The following SLC41A3 variants were observed in gnomAD, a reference collection of about 807,000 sequenced individuals.
SLC41A3 encodes SLC41A1-like 2.
Under a neutral mutation model 45.4 loss-of-function variants are expected in SLC41A3, and 44 were observed. The ratio of observed to expected loss-of-function variants is 0.97; its 90% CI spans 0.76 to 1.25. The LOEUF (loss-of-function observed/expected upper bound fraction) is 1.25. SLC41A3 is among the 50% of genes most tolerant of loss of function. The pLI is 0.00. For synonymous variants in SLC41A3, 256 were observed against 252.4 expected, an observed-to-expected ratio of 1.01 and a Z score of -0.13; for missense variants, 550 against 600.6, an observed-to-expected ratio of 0.92 and a Z score of 0.88.
chr3:126,038,309 A>G (rs966635196), intron 3 of SLC41A3, among the ~76,000 whole-genome samples: 2 of 152,228 alleles, frequency 1.3e-5, no homozygotes, highest in African/African-American at 2.4e-5. Flanking sequence ...ACCCTAGAAT[A>G]GTAGAGCCAC....
At chr3:126,077,279 C>G (rs1049417542) in intron 1 of SLC41A3, among the ~76,000 whole-genome samples, 1 of 152,024 alleles carries the variant, frequency 6.6e-6, no homozygotes, top group African/African-American at 2.4e-5. Context: ...ACTCAGGAGG[C>G]TGACGCAGGA....
intron 4 of SLC41A3, among the ~76,000 whole-genome samples, chr3:126,030,574 A>C (rs957117368): frequency 1.3e-5 from 2 of 152,172 alleles, no homozygotes; most frequent in African/African-American, 4.8e-5. Flanking sequence ...CTGAGCACAG[A>C]GCCTGGCACT....
chr3:126,053,029 G>A lies in SLC41A3; in HGVS notation c.274-1979C>T, dbSNP rs1369187444. ...TGCCAGACGTTGCTATGACTGGTCA[G>A]TGAGACCTGAGAAGTCCTGTCTGGT... On this transcript the variant is annotated intron_variant, in intron 2 of 10. Coordinates refer to ENST00000360370, the MANE Select transcript of SLC41A3 (RefSeq NM_017836.4). 2.0e-5 allele frequency among the ~76,000 whole-genome samples: 3 copies of A among 152,206 alleles called. No individual in the cohort carries two copies. In the East Asian group the frequency reaches 5.8e-4, roughly 29 times the overall value.
intron 3 of SLC41A3, 71 bp downstream of exon 3, chr3:126,050,872 G>T: frequency 6.5e-7 from 1 of 1,532,934 alleles, no homozygotes; most frequent in Non-Finnish European, 8.8e-7. Context: ...CCACAAGCCA[G>T]GGGAGACCAG....
intron 3 of SLC41A3, among the ~76,000 whole-genome samples, chr3:126,037,884 G>T (rs1333140989): frequency 6.6e-6 from 1 of 152,102 alleles, no homozygotes; most frequent in Non-Finnish European, 1.5e-5. Flanking sequence ...AGGTCCAGTG[G>T]CTTAGGAGGA....
Position 126,097,287 on chromosome 3 carries a change from T to C in SLC41A3, c.-79+4142A>G, listed in dbSNP as rs562542962. Reference sequence around the variant, plus strand: ...GCCCCCGGAAGATCATACTTCACCATGTTTTGCCTCTTAACATGCATGCCC... The same window carrying C: ...GCCCCCGGAAGATCATACTTCACCACGTTTTGCCTCTTAACATGCATGCCC... On this transcript the variant is annotated intron_variant, in intron 1 of 9. Coordinates refer to the SLC41A3 transcript ENST00000508835. Among the ~76,000 whole-genome samples, 26 of 152,308 alleles carry C rather than the reference T, an allele frequency of 1.7e-4. No individual in the cohort carries two copies. In the South Asian group the frequency reaches 4.6e-3, roughly 27 times the overall value.
chr3:126,091,519 T>C (rs1945487823), intron 1 of SLC41A3, among the ~76,000 whole-genome samples: 1 of 152,166 alleles, frequency 6.6e-6, no homozygotes, highest in South Asian at 2.1e-4. Context: ...TCTGAAGACC[T>C]GGAATCAACA....
chr3:126,053,987 C>A (rs1943504552), intron 2 of SLC41A3, among the ~76,000 whole-genome samples: 1 of 152,134 alleles, frequency 6.6e-6, no homozygotes, highest in Admixed American at 6.5e-5. Flanking sequence ...AGGCTGAAAT[C>A]ATCAGAAATA....
intron 3 of SLC41A3, among the ~76,000 whole-genome samples, chr3:126,035,358 G>A (rs1198075166): frequency 6.6e-6 from 1 of 152,166 alleles, no homozygotes; most frequent in African/African-American, 2.4e-5. Context: ...AGCTGGTGAT[G>A]AGGAGGGAAG....
intron 9 of SLC41A3, among the ~76,000 whole-genome samples, chr3:126,012,380 G>A (rs2107651895): frequency 6.6e-6 from 1 of 152,206 alleles, no homozygotes. Context: ...AGCTCTCCCT[G>A]TTTCACCACT....
intron 3 of SLC41A3, among the ~76,000 whole-genome samples, chr3:126,037,896 A>G (rs1268456209): frequency 6.6e-6 from 1 of 152,066 alleles, no homozygotes; most frequent in Non-Finnish European, 1.5e-5. Context: ...TTAGGAGGAA[A>G]GAATGGTTTT....
At chr3:126,085,312 G>C (rs1235707503), upstream of SLC41A3, 1 of 152,166 alleles carries the variant, frequency 6.6e-6, no homozygotes, top group African/African-American at 2.4e-5. Context: ...CACTGGCTGT[G>C]GTCACTCATA....
intron 2 of SLC41A3, among the ~76,000 whole-genome samples, chr3:126,059,299 A>AAGGAAAGAAAGAGAAAG: frequency 8.1e-6 from 1 of 124,126 alleles, no homozygotes; most frequent in African/African-American, 3.0e-5. Flanking sequence ...AGAAAGAAAG[A>AAGGAAAGAAAGAGAAAG]AAGAAAGAAA....
At chr3:126,028,614 C>T (rs1941556230) in intron 4 of SLC41A3, among the ~76,000 whole-genome samples, 1 of 152,268 alleles carries the variant, frequency 6.6e-6, no homozygotes, top group South Asian at 2.1e-4. Context: ...ACACAGTTCC[C>T]ACTGGGGCAC....
At chr3:126,076,570 A>AG (rs1944889137) in intron 1 of SLC41A3, among the ~76,000 whole-genome samples, 1 of 152,236 alleles carries the variant, frequency 6.6e-6, no homozygotes, top group South Asian at 2.1e-4. Flanking sequence ...ACAATAAAAA[A>AG]ATTATGAATC....
chr3:126,006,649 T>G lies in SLC41A3; in HGVS notation c.*367A>C. 6.6e-7 allele frequency: 1 copy of G among 1,510,570 alleles called. No homozygotes were observed. The allele number at this position is 1,510,570 out of a possible 1,614,324, so 93.6% of individuals were successfully genotyped here. A position where few individuals can be genotyped will look rare whatever the true frequency, so the allele number is the denominator to read the frequency against. The stretch of plus-strand genomic sequence containing the variant: ...AGCTCCTTCCTGCTCCACCCCAATC[T>G]GGGTTGCATGGGCATGGAAAAGAGC... On this transcript the variant is annotated 3_prime_UTR_variant, in exon 11 of 11. Transcript: ENST00000360370.
intron 4 of SLC41A3, among the ~76,000 whole-genome samples, chr3:126,030,422 G>A (rs1208099741): frequency 2.0e-5 from 3 of 152,030 alleles, no homozygotes; most frequent in Admixed American, 2.0e-4. Flanking sequence ...TAACAGACGT[G>A]CATAAAGATC....
At chr3:126,069,764 T>C (rs184527499) in intron 1 of SLC41A3, among the ~76,000 whole-genome samples, 13 of 152,098 alleles carry the variant, frequency 8.5e-5, no homozygotes, top group Admixed American at 8.5e-4. Flanking sequence ...AGAGTATCAA[T>C]ATAGAGATGA....
chr3:126,033,535 C>T, intron 4 of SLC41A3, 72 bp downstream of exon 4: 1 of 1,530,780 alleles, frequency 6.5e-7, no homozygotes, highest in Non-Finnish European at 8.9e-7. Flanking sequence ...GCTCGCTTAG[C>T]CTTCACCCTT....
Sources: allele counts gnomAD v4.1 joint callset (sites outside exome capture counted in the v4.1 genomes callset), GRCh38; gene constraint gnomAD v4.1.1; transcripts MANE v1.5; gene names NCBI Gene and HGNC (gene_info 2026-07-23, HGNC 2026-07-21).